The following ZNF704 variants were observed in gnomAD, a reference collection of about 807,000 sequenced individuals.
ZNF704 encodes glucocorticoid induced gene 1.
Under a neutral mutation model 44.7 loss-of-function variants are expected in ZNF704, and 10 were observed. That is an observed-to-expected ratio of 0.22 (90% CI 0.14 to 0.38). The LOEUF (loss-of-function observed/expected upper bound fraction) is 0.38. Ranked by LOEUF, ZNF704 falls within the 10% of genes least tolerant of loss-of-function variation. The pLI is 1.00. For missense variants in ZNF704, 390 were observed against 545.5 expected (o/e 0.71, Z 2.84); for synonymous variants, 211 against 207.6 (o/e 1.02, Z -0.14).
rs1360698619 is a variant in ZNF704 at position 80,630,153 on chromosome 8, C to G, written c.*11213G>C. ...GAAAAAAATTTACTTGGATTCGATA[C>G]AAAATACATGCTACTCTTTGAAAAT... On this transcript the variant is annotated 3_prime_UTR_variant, in exon 9 of 9. Coordinates refer to ENST00000327835, the MANE Select transcript of ZNF704 (RefSeq NM_001033723.3). 6.6e-6 allele frequency: 1 copy of G among 152,196 alleles called. No homozygotes were observed. Among genetic ancestry groups the G allele is most frequent in the African/African-American group, 2.4e-5 (1 of 41,448 alleles). 9.4% of individuals were successfully genotyped at this position (152,196 alleles called of 1,614,324 possible).
intron 1 of ZNF704, among the ~76,000 whole-genome samples, chr8:80,852,316 A>G (rs1027980719): frequency 6.6e-6 from 1 of 152,216 alleles, no homozygotes; most frequent in Admixed American, 6.5e-5. Context: ...TATGATAAAA[A>G]TAATAGTACA....
In ZNF704 at chr8:80,639,487, AG is replaced by A. The variant is rs1207106369; in HGVS notation, c.*1878del. The A allele has an allele frequency of 2.0e-5, 3 of 152,236 alleles. No homozygotes were observed. Among genetic ancestry groups the A allele is most frequent in the Non-Finnish European group, 4.4e-5 (3 of 68,042 alleles). 9.4% of individuals were successfully genotyped at this position (152,236 alleles called of 1,614,324 possible). Reference sequence around the variant, plus strand: ...ATACAGTATTGCTGGTGCTGTGACTAGTACTGATTGGTAATCAAGATGCAAA... The same window carrying A: ...ATACAGTATTGCTGGTGCTGTGACTATACTGATTGGTAATCAAGATGCAAA... On this transcript the variant is annotated 3_prime_UTR_variant, in exon 9 of 9. Transcript: ENST00000327835.
At chr8:80,775,652 T>C (rs1563549249) in intron 2 of ZNF704, among the ~76,000 whole-genome samples, 1 of 152,220 alleles carries the variant, frequency 6.6e-6, no homozygotes, top group Non-Finnish European at 1.5e-5. Context: ...ATATTTTCTT[T>C]AGTTTACTTC....
At chr8:80,737,719 T>C (rs1806689786) in intron 2 of ZNF704, among the ~76,000 whole-genome samples, 1 of 152,188 alleles carries the variant, frequency 6.6e-6, no homozygotes, top group African/African-American at 2.4e-5. Context: ...TTATGATAGA[T>C]TTAAGGAAAG....
At chr8:80,882,651 T>C in the ZNF704 span, among the ~76,000 whole-genome samples, 116 of 152,372 alleles carry the variant, frequency 7.6e-4, 1 homozygote, top group Non-Finnish European at 7.6e-4. Flanking sequence ...TTTCCACCAA[T>C]GTTTGTACTA....
chr8:80,644,930 G>A, intron 7 of ZNF704: 1 of 1,043,694 alleles, frequency 9.6e-7, no homozygotes, highest in Non-Finnish European at 1.5e-6. Context: ...CAGCTTGCCA[G>A]CTTCATTTCT....
chr8:80,806,410 C>T (rs187117717), intron 2 of ZNF704, among the ~76,000 whole-genome samples: 2 of 152,082 alleles, frequency 1.3e-5, no homozygotes, highest in African/African-American at 4.8e-5. Flanking sequence ...GTATGTTTTA[C>T]AGCTATTATC....
At chr8:80,772,457 T>C (rs895754206) in intron 2 of ZNF704, among the ~76,000 whole-genome samples, 1 of 152,048 alleles carries the variant, frequency 6.6e-6, no homozygotes, top group East Asian at 1.9e-4. Context: ...CTTACAATCA[T>C]GGCGAAAGGG....
chr8:80,839,882 G>GAC (rs772225164), intron 1 of ZNF704, among the ~76,000 whole-genome samples: 28 of 152,034 alleles, frequency 1.8e-4, no homozygotes, highest in Non-Finnish European at 4.1e-4. Flanking sequence ...AAATACAACA[G>GAC]ACACACACAC....
rs186878750 is a variant in ZNF704 at position 80,821,635 on chromosome 8, A to T, written c.-21-20T>A. The T allele has an allele frequency of 6.3e-7, 1 of 1,589,756 alleles. No homozygotes were observed. The stretch of plus-strand genomic sequence containing the variant: ...CCCCACCTGTGAAATGAAACACAGA[A>T]ATTCTTACTCACATAAAACATCACC... On this transcript the variant is annotated intron_variant, in intron 1 of 8. Transcript: ENST00000327835.
chr8:80,666,070 C>T (rs1012727452), intron 5 of ZNF704, among the ~76,000 whole-genome samples: 4 of 151,602 alleles, frequency 2.6e-5, no homozygotes, highest in Non-Finnish European at 5.9e-5. Context: ...CCCACTAACT[C>T]GTCATCTAGC....
intron 2 of ZNF704, among the ~76,000 whole-genome samples, chr8:80,766,126 T>C (rs138615127): frequency 1.1e-4 from 16 of 152,330 alleles, no homozygotes; most frequent in African/African-American, 3.6e-4. Flanking sequence ...ACCAGTTATA[T>C]TATTCTAGTG....
chr8:80,821,832 AAC>A (rs1808276565), intron 1 of ZNF704, among the ~76,000 whole-genome samples: 1 of 152,220 alleles, frequency 6.6e-6, no homozygotes, highest in African/African-American at 2.4e-5. Context: ...AAACATCACA[AAC>A]ACACAAAAAA....
chr8:80,678,082 G>C (rs1183100468), intron 4 of ZNF704, among the ~76,000 whole-genome samples: 6 of 152,154 alleles, frequency 3.9e-5, no homozygotes, highest in African/African-American at 1.2e-4. Context: ...GCTACCTGAG[G>C]AAAGTCTGAG....
At chr8:80,854,903 T>C (rs577869003) in intron 1 of ZNF704, among the ~76,000 whole-genome samples, 157 of 152,304 alleles carry the variant, frequency 1.0e-3, no homozygotes, top group African/African-American at 3.6e-3. Flanking sequence ...ACACAGTAGG[T>C]GTATATATTT....
intron 1 of ZNF704, among the ~76,000 whole-genome samples, chr8:80,837,388 T>C (rs895189468): frequency 1.8e-4 from 28 of 152,312 alleles, no homozygotes; most frequent in South Asian, 1.0e-3. Flanking sequence ...TTATGGGACT[T>C]TGAAACTTCC....
At chr8:80,840,197 T>C (rs1343028096) in intron 1 of ZNF704, among the ~76,000 whole-genome samples, 1 of 152,234 alleles carries the variant, frequency 6.6e-6, no homozygotes, top group African/African-American at 2.4e-5. Context: ...ATACTCACAA[T>C]ACTCTAAAGC....
chr8:80,658,169 G>T (rs1818045533), intron 7 of ZNF704, among the ~76,000 whole-genome samples: 2 of 152,102 alleles, frequency 1.3e-5, no homozygotes, highest in South Asian at 4.1e-4. Context: ...TTTGAACTGG[G>T]CTGTTCCATC....
Position 80,856,098 on chromosome 8 carries a change from T to C in ZNF704, c.-22+18473A>G, listed in dbSNP as rs192576647. 1.6e-4 allele frequency among the ~76,000 whole-genome samples: 25 copies of C among 152,278 alleles called. No individual in the cohort carries two copies. The East Asian group carries it at 4.6e-3, about 28-fold the overall frequency. On this transcript the variant is annotated intron_variant, in intron 1 of 8. Transcript: ENST00000327835. ...TCAGCCTGTTGAGTAGCTGGGACTATAGGCACATGCTGCTGTGCTCAGCCA... is the reference window on the plus strand; with the variant it reads ...TCAGCCTGTTGAGTAGCTGGGACTACAGGCACATGCTGCTGTGCTCAGCCA...
Sources: allele counts gnomAD v4.1 joint callset (sites outside exome capture counted in the v4.1 genomes callset), GRCh38; gene constraint gnomAD v4.1.1; transcripts MANE v1.5; gene names NCBI Gene and HGNC (gene_info 2026-07-23, HGNC 2026-07-21).